The following NME7 variants were observed in gnomAD, a reference collection of about 807,000 sequenced individuals.
NME7 encodes the protein NME/NM23 family member 7.
A neutral mutation model predicts 49.1 loss-of-function variants in NME7; 41 were observed. The ratio of observed to expected loss-of-function variants is 0.83; its 90% CI spans 0.65 to 1.08. The LOEUF (loss-of-function observed/expected upper bound fraction) is 1.08. Ranked by LOEUF, NME7 falls within the 50% of genes least tolerant of loss-of-function variation. The probability of loss-of-function intolerance (pLI) is 0.00; values close to 1 mark genes in which losing one functional copy is unlikely to be tolerated. For missense variants in NME7, 423 were observed against 463.4 expected (o/e 0.91, Z 0.80); for synonymous variants, 139 against 150.6 (o/e 0.92, Z 0.56).
chr1:169,253,059 C>A (rs1029351691), intron 7 of NME7, among the ~76,000 whole-genome samples: 1 of 151,618 alleles, frequency 6.6e-6, no homozygotes, highest in Admixed American at 6.6e-5. Context: ...TTTTTTGGTT[C>A]CATATGAACT....
At chr1:169,315,445 T>C (rs1435905251) in intron 3 of NME7, among the ~76,000 whole-genome samples, 2 of 151,996 alleles carry the variant, frequency 1.3e-5, no homozygotes. Context: ...TGTAATTTTT[T>C]AGTAGAGACA....
At chr1:169,147,176 C>G (rs1658781573) in intron 11 of NME7, among the ~76,000 whole-genome samples, 1 of 152,104 alleles carries the variant, frequency 6.6e-6, no homozygotes, top group African/African-American at 2.4e-5. Context: ...CTGAGTTGGA[C>G]AAGTTTGTGA....
intron 10 of NME7, among the ~76,000 whole-genome samples, chr1:169,191,705 T>C (rs3766067): frequency 0.37 from 56,334 of 151,962 alleles, 11,016 homozygotes; most frequent in East Asian, 0.73. Flanking sequence ...GAAAAAAAGA[T>C]ATCTAACATC....
intron 11 of NME7, among the ~76,000 whole-genome samples, chr1:169,160,278 T>C (rs758554553): frequency 6.6e-6 from 1 of 152,174 alleles, no homozygotes; most frequent in Non-Finnish European, 1.5e-5. Flanking sequence ...TTATCTTTCC[T>C]CATCGTACCC....
At chr1:169,153,475 T>G (rs1658966615) in intron 11 of NME7, among the ~76,000 whole-genome samples, 1 of 152,158 alleles carries the variant, frequency 6.6e-6, no homozygotes, top group Non-Finnish European at 1.5e-5. Context: ...TATAAAAATC[T>G]GCCTTATTCT....
intron 1 of NME7, among the ~76,000 whole-genome samples, chr1:169,344,770 G>A (rs1652900325): frequency 1.3e-5 from 2 of 151,988 alleles, no homozygotes; most frequent in Admixed American, 1.3e-4. Context: ...TTTTACTGAA[G>A]ATTTTTTCAC....
intron 10 of NME7, among the ~76,000 whole-genome samples, chr1:169,226,312 C>A (rs548108473): frequency 6.6e-6 from 1 of 152,080 alleles, no homozygotes; most frequent in Non-Finnish European, 1.5e-5. Context: ...AAAAAACAAA[C>A]CTGTATTGGT....
intron 6 of NME7, among the ~76,000 whole-genome samples, chr1:169,290,572 C>T (rs184140519): frequency 6.6e-6 from 1 of 152,224 alleles, no homozygotes; most frequent in Admixed American, 6.5e-5. Flanking sequence ...TAGAAGAAAA[C>T]CTCAGCAATA....
At chr1:169,323,335 G>T in intron 2 of NME7, 52 bp from the exon 3 acceptor site, 1 of 1,392,698 alleles carries the variant, frequency 7.2e-7, no homozygotes. Context: ...TTATGAATAA[G>T]GAAAGTTAAT....
At chr1:169,183,295 C>T (rs1659975660) in intron 10 of NME7, among the ~76,000 whole-genome samples, 1 of 152,142 alleles carries the variant, frequency 6.6e-6, no homozygotes, top group Non-Finnish European at 1.5e-5. Flanking sequence ...CCAATTCACT[C>T]TAAACATGAG....
intron 4 of NME7, among the ~76,000 whole-genome samples, chr1:169,307,986 C>G (rs1406347001): frequency 1.3e-5 from 2 of 150,002 alleles, no homozygotes; most frequent in African/African-American, 4.9e-5. Flanking sequence ...TGCCACTACA[C>G]TCCAGCCTGG....
At chr1:169,177,119 C>T (rs1659776889) in intron 10 of NME7, among the ~76,000 whole-genome samples, 1 of 152,080 alleles carries the variant, frequency 6.6e-6, no homozygotes, top group Non-Finnish European at 1.5e-5. Flanking sequence ...AATTACTATC[C>T]AGTCTTGCTT....
intron 9 of NME7, among the ~76,000 whole-genome samples, chr1:169,232,912 C>CTTTTCTTTTTTTTTTTTT (rs1557999411): frequency 1.3e-5 from 1 of 74,528 alleles, no homozygotes; most frequent in Non-Finnish European, 2.5e-5. Context: ...GTTTTCTTTT[C>CTTTTCTTTTTTTTTTTTT]TTTTTTTTTT....
At chr1:169,346,987 A>G (rs868033709) in intron 1 of NME7, among the ~76,000 whole-genome samples, 38 of 152,202 alleles carry the variant, frequency 2.5e-4, no homozygotes, top group African/African-American at 8.7e-4. Flanking sequence ...CATGGAGCTT[A>G]CTTACTAATT....
chr1:169,285,328 A>G (rs1355707082), intron 7 of NME7: 5 of 152,128 alleles, frequency 3.3e-5, no homozygotes, highest in Non-Finnish European at 1.5e-5. Context: ...TGGATTAGGG[A>G]TACCACACCT....
At chr1:169,288,851 T>C (rs1284001873) in intron 6 of NME7, among the ~76,000 whole-genome samples, 1 of 152,064 alleles carries the variant, frequency 6.6e-6, no homozygotes, top group Non-Finnish European at 1.5e-5. Context: ...ATGGTACAGA[T>C]GAAAATTCAA....
intron 7 of NME7, among the ~76,000 whole-genome samples, chr1:169,273,107 G>A (rs1649548542): frequency 7.5e-6 from 1 of 133,478 alleles, no homozygotes; most frequent in South Asian, 2.3e-4. Flanking sequence ...TGTGCAGAAT[G>A]TGCAGTTTTG....
chr1:169,279,689 A>G (rs887154431), intron 7 of NME7, among the ~76,000 whole-genome samples: 1 of 152,214 alleles, frequency 6.6e-6, no homozygotes, highest in Non-Finnish European at 1.5e-5. Flanking sequence ...GATGCGCTGC[A>G]CCCACTGTCC....
At chr1:169,294,970 C>T (rs987966172) in intron 6 of NME7, among the ~76,000 whole-genome samples, 5 of 152,028 alleles carry the variant, frequency 3.3e-5, no homozygotes, top group South Asian at 2.1e-4. Context: ...CCAAGGTGAG[C>T]GAATTTTCCC....
Sources: allele counts gnomAD v4.1 joint callset (sites outside exome capture counted in the v4.1 genomes callset), GRCh38; gene constraint gnomAD v4.1.1; transcripts MANE v1.5; gene names NCBI Gene and HGNC (gene_info 2026-07-23, HGNC 2026-07-21).